CFTR: variants seen among roughly 807,000 people sequenced by gnomAD.
CFTR encodes the protein CF transmembrane conductance regulator.
In CFTR, 181 loss-of-function variants were observed where a neutral mutation model predicts 171.6. That is an observed-to-expected ratio of 1.05 (90% CI 0.93 to 1.19). The LOEUF (loss-of-function observed/expected upper bound fraction) is 1.19. CFTR is among the 50% of genes most tolerant of loss of function. The probability of loss-of-function intolerance (pLI) is 0.00; values close to 1 mark genes in which losing one functional copy is unlikely to be tolerated. For synonymous variants in CFTR, 583 were observed against 608.0 expected (o/e 0.96, Z 0.60); for missense variants, 1,968 against 1,734.7 (o/e 1.13, Z -2.39).
intron 23 of CFTR, among the ~76,000 whole-genome samples, chr7:117,645,044 C>A (rs906714493): frequency 6.6e-6 from 1 of 152,090 alleles, no homozygotes; most frequent in African/African-American, 2.4e-5. Flanking sequence ...AATGATTAGG[C>A]CTATTCTTGC....
intron 23 of CFTR, among the ~76,000 whole-genome samples, chr7:117,648,758 TCAAA>T (rs1436349676): frequency 1.3e-5 from 2 of 152,076 alleles, no homozygotes; most frequent in African/African-American, 4.8e-5. Context: ...TGTGGAAAGT[TCAAA>T]CAGTTTAGAA....
intron 21 of CFTR, among the ~76,000 whole-genome samples, 172 bp from the exon 22 acceptor site, chr7:117,627,350 A>G (rs1792665725): frequency 6.6e-6 from 1 of 152,164 alleles, no homozygotes; most frequent in Non-Finnish European, 1.5e-5. Context: ...TCTTCAGTTA[A>G]ACTTTTAATT....
chr7:117,659,862 C>A (rs2116211238), intron 24 of CFTR, among the ~76,000 whole-genome samples: 1 of 152,240 alleles, frequency 6.6e-6, no homozygotes, highest in Non-Finnish European at 1.5e-5. Context: ...TTGACTGTAT[C>A]TATTTTTATA....
intron 3 of CFTR, 84 bp downstream of exon 3, chr7:117,509,226 A>G (rs1584776533): frequency 5.9e-6 from 5 of 842,946 alleles, no homozygotes; most frequent in Middle Eastern, 6.6e-4. Context: ...AAATCTGGTG[A>G]ATAGGTGTAA....
intron 3 of CFTR, among the ~76,000 whole-genome samples, chr7:117,516,363 A>G (rs377096431): frequency 6.6e-6 from 1 of 152,284 alleles, no homozygotes; most frequent in African/African-American, 2.4e-5. Flanking sequence ...GGGAAACTGT[A>G]TAGTATAGCT....
At chr7:117,603,510 C>T (rs754436302) in intron 16 of CFTR, 22 bp from the exon 17 acceptor site, 30 of 1,613,542 alleles carry the variant, frequency 1.9e-5, no homozygotes, top group South Asian at 9.9e-5. Context: ...TGCCAAATAA[C>T]GATTTCCTAT....
At chr7:117,564,697 T>C (rs1791573281) in intron 11 of CFTR, 1 of 167,046 alleles carries the variant, frequency 6.0e-6, no homozygotes, top group Non-Finnish European at 1.5e-5. Flanking sequence ...GAACAGAATA[T>C]TATCTTCCTC....
intron 23 of CFTR, 127 bp downstream of exon 23, chr7:117,642,720 C>A: frequency 9.8e-7 from 1 of 1,015,792 alleles, no homozygotes. Context: ...TGTCTTTTTT[C>A]TCCAGTGCAG....
intron 3 of CFTR, 129 bp downstream of exon 3, chr7:117,509,271 G>A: frequency 1.5e-6 from 1 of 688,306 alleles, no homozygotes; most frequent in South Asian, 1.6e-5. Flanking sequence ...CAAACACTAA[G>A]AAACCACCTA....
intron 1 of CFTR, among the ~76,000 whole-genome samples, chr7:117,495,530 G>A (rs1798223734): frequency 6.6e-6 from 1 of 152,046 alleles, no homozygotes. Context: ...GTTTCTTTAC[G>A]ATACTATTGC....
intron 1 of CFTR, among the ~76,000 whole-genome samples, chr7:117,488,368 C>T (rs1306539262): frequency 4.6e-5 from 7 of 151,714 alleles, no homozygotes; most frequent in Admixed American, 2.6e-4. Flanking sequence ...AACTTTTTTT[C>T]GGTAACTGAA....
chr7:117,593,227 CAT>C (rs1792064465), intron 14 of CFTR, among the ~76,000 whole-genome samples: 2 of 152,048 alleles, frequency 1.3e-5, no homozygotes, highest in South Asian at 4.1e-4. Context: ...ATAAGCTTAA[CAT>C]GTACTAGTGC....
At chr7:117,645,078 G>T (rs1462741552) in intron 23 of CFTR, among the ~76,000 whole-genome samples, 2 of 152,144 alleles carry the variant, frequency 1.3e-5, no homozygotes, top group Non-Finnish European at 2.9e-5. Flanking sequence ...GATCTGAAAA[G>T]AATCTATGTC....
intron 22 of CFTR, chr7:117,628,005 C>G (rs1185904000): frequency 2.4e-6 from 1 of 415,868 alleles, no homozygotes; most frequent in East Asian, 4.2e-5. Flanking sequence ...TGCAGAATAT[C>G]TAATTAATTG....
At chr7:117,570,952 T>C (rs1791678788) in intron 11 of CFTR, among the ~76,000 whole-genome samples, 1 of 152,230 alleles carries the variant, frequency 6.6e-6, no homozygotes, top group South Asian at 2.1e-4. Context: ...AGTAAGTGTA[T>C]ATTTGGGAAA....
intron 1 of CFTR, among the ~76,000 whole-genome samples, chr7:117,491,458 A>T (rs893602538): frequency 1.3e-5 from 2 of 152,056 alleles, no homozygotes; most frequent in African/African-American, 4.8e-5. Flanking sequence ...ACAGGAATTT[A>T]TTATCTTATG....
intron 3 of CFTR, among the ~76,000 whole-genome samples, chr7:117,510,748 T>C (rs918319857): frequency 6.6e-6 from 1 of 151,998 alleles, no homozygotes; most frequent in Non-Finnish European, 1.5e-5. Context: ...ATCTATAGAA[T>C]TTTTTTTGGT....
chr7:117,649,351 C>T (rs1422427333), intron 23 of CFTR, among the ~76,000 whole-genome samples: 1 of 147,876 alleles, frequency 6.8e-6, no homozygotes, highest in Non-Finnish European at 1.5e-5. Context: ...TATATATCTA[C>T]ACACATCTAG....
rs397508684 is a variant in CFTR, at chr7:117,665,466, C to T, written c.4144C>T (p.Gln1382Ter). ...PSAHLDPVTY[Q>*]IIRRTLKQAF... is the part of the protein sequence containing the mutation. ...ATTTTCTTTCTTTTCTAGAACATAC[C>T]AAATAATTAGAAGAACTCTAAAACA... The change falls in exon 26 of 27, where the codon CAA becomes TAA. Residue 1382 changes from glutamine (Q) to a stop codon, truncating the protein, a stop_gained. Transcript: ENST00000003084. LOFTEE classifies it high-confidence loss of function. 3 of 1,594,452 alleles carry T rather than the reference C, an allele frequency of 1.9e-6. No homozygotes were observed. Among genetic ancestry groups the T allele is most frequent in the Non-Finnish European group, 2.6e-6 (3 of 1,162,446 alleles).
Sources: allele counts gnomAD v4.1 joint callset (sites outside exome capture counted in the v4.1 genomes callset), GRCh38; gene constraint gnomAD v4.1.1; transcripts MANE v1.5; gene names NCBI Gene and HGNC (gene_info 2026-07-23, HGNC 2026-07-21).